The following HSPA12A variants were observed in gnomAD, a reference collection of about 807,000 sequenced individuals.
The protein encoded by HSPA12A is heat shock 70 kDa protein 12A.
In HSPA12A, 28 loss-of-function variants were observed where a neutral mutation model predicts 69.2. The observed-to-expected ratio is 0.40, with a 90% confidence interval of 0.30 to 0.55. The LOEUF is 0.55. Ranked by LOEUF, HSPA12A falls within the 20% of genes least tolerant of loss-of-function variation. The pLI is 0.38. For missense variants in HSPA12A, 686 were observed against 900.7 expected (o/e 0.76, Z 3.05); for synonymous variants, 345 against 370.5 (o/e 0.93, Z 0.79).
At chr10:116,720,181 G>A (rs1850730222) in intron 1 of HSPA12A, among the ~76,000 whole-genome samples, 1 of 152,294 alleles carries the variant, frequency 6.6e-6, no homozygotes, top group Middle Eastern at 3.4e-3. Flanking sequence ...GTAAGGAGAA[G>A]TGCCCCTGTC....
Position 116,684,122 on chromosome 10 carries a change from C to T in HSPA12A, c.664-160G>A, listed in dbSNP as rs189826867. Among the ~76,000 whole-genome samples the T allele has an allele frequency of 6.6e-5, 10 of 152,262 alleles. No homozygotes were observed. The East Asian group carries it at 1.9e-3, about 29-fold the overall frequency. The stretch of plus-strand genomic sequence containing the variant: ...CTCTGCAGAGCATAATGTCAGGGTG[C>T]CTCGGTACTGGGCCCCAAGCCAGAT... On this transcript the variant is annotated intron_variant, in intron 6 of 11. Transcript: ENST00000369209.
At chr10:116,806,594 T>A (rs539687223) in intron 2 of HSPA12A, among the ~76,000 whole-genome samples, 1 of 152,180 alleles carries the variant, frequency 6.6e-6, no homozygotes, top group East Asian at 1.9e-4. Flanking sequence ...ATGATATGAA[T>A]CATTTTTTGA....
chr10:116,790,124 C>T (rs1257740621), intron 2 of HSPA12A, among the ~76,000 whole-genome samples: 1 of 102,384 alleles, frequency 9.8e-6, no homozygotes, highest in African/African-American at 3.8e-5. Flanking sequence ...TTTTTTGAGA[C>T]AGAGTCTCGC....
intron 1 of HSPA12A, among the ~76,000 whole-genome samples, chr10:116,845,709 C>T (rs1212932664): frequency 6.6e-6 from 1 of 152,064 alleles, no homozygotes; most frequent in Non-Finnish European, 1.5e-5. Context: ...CTGGAAATGC[C>T]CTAAGACATT....
chr10:116,683,882 C>T lies in HSPA12A; in HGVS notation c.744G>A (p.Lys248=). 2.5e-6 allele frequency: 4 copies of T among 1,599,866 alleles called. No homozygotes were observed. ...EPEAASIYCR[K]LRLHQMIELS... ...GCTCAATCATCTGGTGTAGCCGCAG[C>T]TTTCGGCAGTAGATAGAGGCTGCCT... Residue 248 remains lysine, a synonymous_variant, in exon 7 of 12, where the codon AAG becomes AAA. Transcript: ENST00000369209.
At chr10:116,792,253 C>T (rs1489328863) in intron 2 of HSPA12A, among the ~76,000 whole-genome samples, 1 of 63,784 alleles carries the variant, frequency 1.6e-5, no homozygotes, top group Admixed American at 2.7e-4. Flanking sequence ...GAATGAAACT[C>T]GGTCTCAAAA....
intron 1 of HSPA12A, among the ~76,000 whole-genome samples, chr10:116,844,710 T>C (rs534093806): frequency 1.3e-5 from 2 of 152,294 alleles, no homozygotes; most frequent in Admixed American, 6.5e-5. Flanking sequence ...TGAAAAATGA[T>C]ATTCAACAGA....
intron 2 of HSPA12A, among the ~76,000 whole-genome samples, chr10:116,819,770 A>C (rs1845377259): frequency 6.6e-6 from 1 of 152,168 alleles, no homozygotes; most frequent in South Asian, 2.1e-4. Context: ...TGTATAATGG[A>C]AATGCAACTT....
chr10:116,827,607 C>T (rs906526784), intron 2 of HSPA12A: 8 of 152,360 alleles, frequency 5.3e-5, no homozygotes, highest in African/African-American at 1.9e-4. Flanking sequence ...CACAACACCG[C>T]AGGGCCAGCG....
chr10:116,677,276 C>T (rs1185806630), intron 10 of HSPA12A, among the ~76,000 whole-genome samples: 4 of 152,236 alleles, frequency 2.6e-5, no homozygotes, highest in East Asian at 1.9e-4. Context: ...ACCCACAGGG[C>T]GTGCCCCTCC....
At chr10:116,729,214 G>T (rs965817189) in intron 1 of HSPA12A, among the ~76,000 whole-genome samples, 9 of 152,284 alleles carry the variant, frequency 5.9e-5, no homozygotes, top group African/African-American at 2.2e-4. Context: ...CGCCGGGAAG[G>T]TCACAGGAGC....
intron 2 of HSPA12A, among the ~76,000 whole-genome samples, chr10:116,785,659 T>C (rs182891984): frequency 6.6e-6 from 1 of 151,964 alleles, no homozygotes; most frequent in Non-Finnish European, 1.5e-5. Context: ...CTGTTCATGA[T>C]CCCTCTCTCT....
At chr10:116,732,027 G>A (rs1212829237) in intron 1 of HSPA12A, among the ~76,000 whole-genome samples, 1 of 152,076 alleles carries the variant, frequency 6.6e-6, no homozygotes, top group African/African-American at 2.4e-5. Context: ...GACATGCAGA[G>A]CAAAGCAGAA....
At chr10:116,689,636 GAC>G (rs1849677999) in intron 6 of HSPA12A, among the ~76,000 whole-genome samples, 2 of 151,552 alleles carry the variant, frequency 1.3e-5, no homozygotes, top group Non-Finnish European at 1.5e-5. Flanking sequence ...CAGACAGACA[GAC>G]AGATAGATAA....
exon 1 of HSPA12A, chr10:116,849,740 C>T (rs1846003273): frequency 1.5e-5 from 22 of 1,503,744 alleles, no homozygotes; most frequent in Admixed American, 2.2e-5. Flanking sequence ...TGGTAGGGAC[C>T]TGGGACAAGC....
Position 116,675,448 on chromosome 10 carries a change from T to C in HSPA12A, c.1391-30A>G. The C allele has an allele frequency of 2.0e-6, 3 of 1,527,036 alleles. No homozygotes were observed. Among genetic ancestry groups the C allele is most frequent in the South Asian group, 1.3e-5 (1 of 78,380 alleles). The allele number at this position is 1,527,036 out of a possible 1,614,324, so 94.6% of individuals were successfully genotyped here. On this transcript the variant is annotated intron_variant, in intron 11 of 11. Transcript: ENST00000369209. This position sits in a 1 kb window ranked among gnomAD's most constrained non-coding sequence, Gnocchi z 5.2. ...AAGGGAAGAGGCAGGGAGAATGTCC[T>C]GTCACCAAAAGCCAGCAAGGAAGGG...
chr10:116,700,255 G>A (rs1850042864), intron 4 of HSPA12A, among the ~76,000 whole-genome samples: 1 of 152,188 alleles, frequency 6.6e-6, no homozygotes, highest in South Asian at 2.1e-4. Flanking sequence ...AGCACTGACA[G>A]TTAAGGAAAC....
At chr10:116,842,515 T>C (rs979453742) in intron 1 of HSPA12A, among the ~76,000 whole-genome samples, 2 of 152,218 alleles carry the variant, frequency 1.3e-5, no homozygotes, top group Non-Finnish European at 2.9e-5. Context: ...ATTAGCCCTG[T>C]AGTTATGTTA....
intron 3 of HSPA12A, among the ~76,000 whole-genome samples, chr10:116,704,467 G>T (rs900733075): frequency 6.6e-6 from 1 of 152,060 alleles, no homozygotes; most frequent in East Asian, 1.9e-4. Context: ...TTGTGGGGTG[G>T]GGGGAGTGGG....
Sources: gnomAD v4.1 joint callset for allele counts (sites outside exome capture counted in the v4.1 genomes callset) on GRCh38, gnomAD v4.1.1 for gene constraint, Gnocchi (gnomAD v3.1) non-coding constraint, MANE v1.5 for transcripts, NCBI Gene and HGNC (gene_info 2026-07-23, HGNC 2026-07-21) for gene names.